METTL24: variants seen among roughly 807,000 people sequenced by gnomAD.
METTL24 encodes the protein methyltransferase like 24, also known as probable methyltransferase-like protein 24.
Under a neutral mutation model 32.7 loss-of-function variants are expected in METTL24, and 29 were observed. The ratio of observed to expected loss-of-function variants is 0.89; its 90% CI spans 0.66 to 1.21. The LOEUF (loss-of-function observed/expected upper bound fraction) is 1.21, where lower values mean the gene tolerates loss of function less well. METTL24 is among the 50% of genes most tolerant of loss of function. METTL24 has a pLI of 0.00. For synonymous variants in METTL24, 163 were observed against 179.5 expected (o/e 0.91, Z 0.73); for missense variants, 439 against 468.1 (o/e 0.94, Z 0.57).
At chr6:110,350,108 T>C (rs758437658) in intron 1 of METTL24, among the ~76,000 whole-genome samples, 1 of 152,236 alleles carries the variant, frequency 6.6e-6, no homozygotes, top group Non-Finnish European at 1.5e-5. Context: ...GAATGCACTT[T>C]GGGTGCAAAG....
At chr6:110,309,973 T>C (rs143397670) in intron 3 of METTL24, among the ~76,000 whole-genome samples, 1 of 152,274 alleles carries the variant, frequency 6.6e-6, no homozygotes, top group Non-Finnish European at 1.5e-5. Context: ...GTATTATCTA[T>C]GGTTTTAAAT....
chr6:110,250,308 T>G (rs750564634), intron 4 of METTL24, among the ~76,000 whole-genome samples: 1 of 151,892 alleles, frequency 6.6e-6, no homozygotes, highest in Non-Finnish European at 1.5e-5. Context: ...ATCTTCAACA[T>G]TCCTTGGCTC....
intron 1 of METTL24, among the ~76,000 whole-genome samples, chr6:110,324,101 G>A (rs1300963194): frequency 2.0e-5 from 3 of 152,162 alleles, no homozygotes; most frequent in Non-Finnish European, 4.4e-5. Context: ...AAGTAGTGGG[G>A]AACAAGGTTA....
At position 110,311,468 on chromosome 6, in the gene METTL24, G is replaced by GTTTT. The variant is rs1051868507; in HGVS notation, c.557+3870_557+3873dup. Among the ~76,000 whole-genome samples, 186 of 96,154 alleles carry GTTTT rather than the reference G, an allele frequency of 1.9e-3. 1 individual carries two copies. Among genetic ancestry groups the GTTTT allele is most frequent in the African/African-American group, 2.8e-3 (67 of 23,570 alleles). The allele number at this position is 96,154 out of a possible 152,430, so 63.1% of individuals were successfully genotyped here. A position where few individuals can be genotyped will look rare whatever the true frequency, so the allele number is the denominator to read the frequency against. Reference sequence around the variant, plus strand: ...TTCTTTTCTTTTCTTTTCTTTCTTTGTTTTTTTTTTTTTTTTTTTTTTTGA... The same window carrying GTTTT: ...TTCTTTTCTTTTCTTTTCTTTCTTTGTTTTTTTTTTTTTTTTTTTTTTTTTTTGA... On this transcript the variant is annotated intron_variant, in intron 3 of 4. Transcript: ENST00000338882.
In METTL24 at chr6:110,287,178, C is replaced by T. The variant is rs150774316; in HGVS notation, c.786+11744G>A. Among the ~76,000 whole-genome samples, 1,233 of 152,266 alleles carry T rather than the reference C, an allele frequency of 8.1e-3. 8 individuals are homozygous for T. The highest frequency in any genetic ancestry group is 0.017 in the Middle Eastern group (5 of 294). On this transcript the variant is annotated intron_variant, in intron 4 of 4. Transcript: ENST00000338882. ...TATTCAGAAGAGCCAAGACATTTTG[C>T]TACACCTCAAATCTCACCTTTATGG...
chr6:110,349,626 T>C (rs1328028974), intron 1 of METTL24, among the ~76,000 whole-genome samples: 1 of 152,226 alleles, frequency 6.6e-6, no homozygotes, highest in African/African-American at 2.4e-5. Flanking sequence ...ATTGGTGTAA[T>C]TTAGTATCTG....
intron 3 of METTL24, among the ~76,000 whole-genome samples, chr6:110,314,177 G>A (rs1233663696): frequency 6.6e-6 from 1 of 152,150 alleles, no homozygotes; most frequent in Non-Finnish European, 1.5e-5. Flanking sequence ...GAAACCTACA[G>A]GTGAGGAGGA....
At chr6:110,316,662 G>A (rs865829169) in intron 2 of METTL24, among the ~76,000 whole-genome samples, 2 of 152,224 alleles carry the variant, frequency 1.3e-5, no homozygotes, top group African/African-American at 2.4e-5. Flanking sequence ...TTGGGAGGCC[G>A]AGGCAGGAGG....
intron 1 of METTL24, among the ~76,000 whole-genome samples, chr6:110,352,366 C>T (rs1487513074): frequency 6.6e-6 from 1 of 152,184 alleles, no homozygotes; most frequent in Non-Finnish European, 1.5e-5. Flanking sequence ...CCTCACTGGA[C>T]TCACTATATG....
chr6:110,316,260 T>C (rs1771817546), intron 2 of METTL24, among the ~76,000 whole-genome samples: 1 of 152,174 alleles, frequency 6.6e-6, no homozygotes, highest in Non-Finnish European at 1.5e-5. Context: ...TATGAGTAAG[T>C]CAAGCAAAAG....
intron 1 of METTL24, among the ~76,000 whole-genome samples, chr6:110,356,576 A>G (rs1441734199): frequency 2.0e-5 from 3 of 152,348 alleles, no homozygotes; most frequent in South Asian, 2.1e-4. Context: ...CCTCAATTAC[A>G]GGATTGGAAA....
intron 1 of METTL24, among the ~76,000 whole-genome samples, chr6:110,341,514 A>C (rs915174957): frequency 2.0e-5 from 3 of 152,190 alleles, no homozygotes; most frequent in African/African-American, 7.2e-5. Context: ...AACCAGTTCA[A>C]ATTTTTTTTA....
intron 1 of METTL24, among the ~76,000 whole-genome samples, chr6:110,337,065 T>G (rs1175733900): frequency 6.6e-5 from 10 of 152,196 alleles, no homozygotes; most frequent in Non-Finnish European, 1.3e-4. Context: ...ATGTGGTACA[T>G]ATACACCATG....
At position 110,319,189 on chromosome 6, in the gene METTL24, C is replaced by T. The variant is rs150249065; in HGVS notation, c.417+3585G>A. 7.9e-5 allele frequency among the ~76,000 whole-genome samples: 12 copies of T among 152,190 alleles called. No homozygotes were observed. In the East Asian group the frequency reaches 2.3e-3, roughly 29 times the overall value. ...TGTTTACAGAACGATCAACTCTATG[C>T]TCTATGTTTATACAGTACCACTATT... On this transcript the variant is annotated intron_variant, in intron 2 of 4. Transcript: ENST00000338882.
chr6:110,283,450 G>C (rs984929328), intron 4 of METTL24, among the ~76,000 whole-genome samples: 2 of 152,088 alleles, frequency 1.3e-5, no homozygotes, highest in African/African-American at 4.8e-5. Flanking sequence ...TCCTCTCACC[G>C]CTCCCCAGAG....
intron 1 of METTL24, among the ~76,000 whole-genome samples, chr6:110,335,566 GTTTTTTTTTTTTTTT>G (rs527344096): frequency 3.0e-5 from 2 of 66,112 alleles, no homozygotes; most frequent in Admixed American, 3.5e-4. Context: ...GGGAATCATT[GTTTTTTTTTTTTTTT>G]TTTTTTTTTT....
At chr6:110,321,553 G>A (rs1484483110) in intron 2 of METTL24, among the ~76,000 whole-genome samples, 1 of 152,094 alleles carries the variant, frequency 6.6e-6, no homozygotes, top group Non-Finnish European at 1.5e-5. Flanking sequence ...GATTCTTATC[G>A]TTCATGTAAA....
At chr6:110,306,127 AG>A (rs1439099848) in intron 3 of METTL24, among the ~76,000 whole-genome samples, 1 of 148,174 alleles carries the variant, frequency 6.7e-6, no homozygotes, top group Non-Finnish European at 1.5e-5. Context: ...GGGCACAGGG[AG>A]GGAAACATCA....
At position 110,252,155 on chromosome 6, in the gene METTL24, C is replaced by CA. The variant is rs577419695; in HGVS notation, c.787-5896dup. ...CAAAACTCTTCCTTAAAAAACAAAA[C>CA]AAAAAAAACCTGCTGCATTGGGATT... On this transcript the variant is annotated intron_variant, in intron 4 of 4. Coordinates refer to ENST00000338882, the MANE Select transcript of METTL24 (RefSeq NM_001123364.3). Among the ~76,000 whole-genome samples, 21 of 151,892 alleles carry CA rather than the reference C, an allele frequency of 1.4e-4. 1 individual carries two copies. In the East Asian group the frequency reaches 3.3e-3, roughly 24 times the overall value.
Sources: allele counts gnomAD v4.1 joint callset (sites outside exome capture counted in the v4.1 genomes callset), GRCh38; gene constraint gnomAD v4.1.1; transcripts MANE v1.5; gene names NCBI Gene and HGNC (gene_info 2026-07-23, HGNC 2026-07-21).